The following STK3 variants were observed in gnomAD, a reference collection of about 807,000 sequenced individuals.
STK3 encodes serine/threonine-protein kinase 3.
STK3 carries 41 observed loss-of-function variants against 58.0 expected under a neutral mutation model. The observed-to-expected ratio is 0.71, with a 90% CI of 0.55 to 0.92. The LOEUF (loss-of-function observed/expected upper bound fraction) is 0.92, where lower values mean the gene tolerates loss of function less well. Ranked by LOEUF, STK3 falls within the 40% of genes least tolerant of loss-of-function variation. The pLI is 0.00. For missense variants in STK3, 479 were observed against 602.7 expected (o/e 0.79, Z 2.15); for synonymous variants, 170 against 191.0 (o/e 0.89, Z 0.91).
At chr8:98,692,088 A>T (rs905730768) in intron 6 of STK3, among the ~76,000 whole-genome samples, 43 of 152,188 alleles carry the variant, frequency 2.8e-4, no homozygotes, top group African/African-American at 9.4e-4. Flanking sequence ...CTTCACTCCC[A>T]TTACTATGGC....
At chr8:98,844,369 G>A (rs1267139025) in intron 3 of STK3, among the ~76,000 whole-genome samples, 2 of 152,138 alleles carry the variant, frequency 1.3e-5, no homozygotes, top group African/African-American at 4.8e-5. Flanking sequence ...GGAATATGAT[G>A]TCATTCTAGC....
intron 6 of STK3, among the ~76,000 whole-genome samples, chr8:98,665,137 T>C (rs564302150): frequency 1.3e-5 from 2 of 152,362 alleles, no homozygotes; most frequent in Non-Finnish European, 2.9e-5. Context: ...TCAAACACTA[T>C]CTTTACCTAC....
chr8:98,647,111 C>G (rs1173161354), intron 6 of STK3, among the ~76,000 whole-genome samples: 3 of 152,152 alleles, frequency 2.0e-5, no homozygotes, highest in Non-Finnish European at 4.4e-5. Context: ...GTCCCTAGAT[C>G]ACTCTGCTCC....
At chr8:98,807,044 C>T (rs1445945259) in intron 1 of STK3, among the ~76,000 whole-genome samples, 3 of 150,466 alleles carry the variant, frequency 2.0e-5, no homozygotes, top group Non-Finnish European at 4.4e-5. Context: ...GTCCCAGCCA[C>T]TTGGGAGGCT....
upstream of STK3, among the ~76,000 whole-genome samples, chr8:98,388,418 A>G (rs1020931376): frequency 1.2e-4 from 19 of 152,236 alleles, no homozygotes; most frequent in Non-Finnish European, 8.8e-5. Flanking sequence ...CCAATGATCA[A>G]TGTTAAGATG....
At chr8:98,630,634 CAGAAGAAGAAGG>C (rs1563825488) in intron 6 of STK3, among the ~76,000 whole-genome samples, 6 of 146,408 alleles carry the variant, frequency 4.1e-5, no homozygotes, top group African/African-American at 1.0e-4. Context: ...CAGAGAGGAA[CAGAAGAAGAAGG>C]AGAAGGAGAA....
intron 8 of STK3, among the ~76,000 whole-genome samples, chr8:98,578,431 CAAATA>C (rs920278355): frequency 3.3e-5 from 5 of 152,234 alleles, no homozygotes; most frequent in African/African-American, 1.2e-4. Context: ...TGACAACGGC[CAAATA>C]AATAACTCAT....
At chr8:98,453,001 T>A (rs1215892425), downstream of STK3, among the ~76,000 whole-genome samples, 2 of 111,486 alleles carry the variant, frequency 1.8e-5, 1 homozygote, top group Non-Finnish European at 3.7e-5. Flanking sequence ...CCTCAAGTGA[T>A]CTGCTGGCCT....
intron 1 of STK3, among the ~76,000 whole-genome samples, chr8:98,919,628 A>T (rs996700861): frequency 2.6e-5 from 4 of 152,350 alleles, no homozygotes; most frequent in African/African-American, 9.6e-5. Context: ...ATTTCAATGT[A>T]CGTAAATTTT....
chr8:98,575,949 GAATTCACTGACA>G (rs775720638), intron 8 of STK3, among the ~76,000 whole-genome samples: 3 of 152,086 alleles, frequency 2.0e-5, no homozygotes, highest in Non-Finnish European at 4.4e-5. Context: ...CATTCTCTAA[GAATTCACTGACA>G]AATCCAAAGT....
rs377645065 is a variant in STK3, at chr8:98,491,638, T to C, written c.1317+35104A>G. On this transcript the variant is annotated intron_variant, in intron 10 of 10. Transcript: ENST00000419617. ...ATAGTAGAGATGGGGTTTCACCATG[T>C]TGGCCAGGCTGGTCTTGAACGCCCA... Among the ~76,000 whole-genome samples the C allele has an allele frequency of 5.3e-5, 8 of 152,296 alleles. No homozygotes were observed. In the East Asian group the frequency reaches 1.2e-3, roughly 22 times the overall value.
At chr8:98,426,278 G>C (rs551733992) in intron 3 of STK3, among the ~76,000 whole-genome samples, 1 of 152,228 alleles carries the variant, frequency 6.6e-6, no homozygotes, top group South Asian at 2.1e-4. Flanking sequence ...GCTGACACAC[G>C]TCCCAGGTCC....
At chr8:98,810,727 C>T (rs543118748) in intron 1 of STK3, among the ~76,000 whole-genome samples, 1 of 152,190 alleles carries the variant, frequency 6.6e-6, no homozygotes, top group Non-Finnish European at 1.5e-5. Context: ...CATGTTTGTC[C>T]CCTCCAAATC....
At chr8:98,511,517 A>G (rs1002196938) in intron 10 of STK3, among the ~76,000 whole-genome samples, 5 of 152,162 alleles carry the variant, frequency 3.3e-5, no homozygotes, top group African/African-American at 9.6e-5. Context: ...AGCTAAATAT[A>G]TTAAGTACAT....
chr8:98,366,118 C>T, the STK3 span, among the ~76,000 whole-genome samples: 35 of 152,260 alleles, frequency 2.3e-4, no homozygotes, highest in African/African-American at 7.9e-4. Flanking sequence ...TGCTGAATTC[C>T]TGTTTCCCTA....
intron 3 of STK3, among the ~76,000 whole-genome samples, chr8:98,840,595 A>ATG (rs1296899186): frequency 3.7e-5 from 2 of 53,564 alleles, no homozygotes; most frequent in Non-Finnish European, 8.5e-5. Context: ...ATATATATAT[A>ATG]TATATATATA....
chr8:98,576,089 T>C lies in STK3; in HGVS notation c.948+3575A>G, dbSNP rs536423748. ...AAAGGCTGCTGTATTTGATAAAACA[T>C]AGGGGTCTAACTTCATTCTTTTACA... On this transcript the variant is annotated intron_variant, in intron 8 of 10. Transcript: ENST00000419617. 3.5e-4 allele frequency among the ~76,000 whole-genome samples: 53 copies of C among 152,286 alleles called. No homozygotes were observed. In the South Asian group the frequency reaches 7.7e-3, roughly 22 times the overall value.
chr8:98,905,342 C>G, intron 1 of STK3: 1 of 960,222 alleles, frequency 1.0e-6, no homozygotes, highest in Non-Finnish European at 1.7e-6. Context: ...CATAATCTTT[C>G]ACGATGTCAC....
At chr8:98,429,515 G>T (rs1489567086) in intron 3 of STK3, 2 of 804,512 alleles carry the variant, frequency 2.5e-6, no homozygotes, top group Non-Finnish European at 4.0e-6. Context: ...AGTATGCCCA[G>T]CCCCTGAGGG....
Sources: gnomAD v4.1 joint callset for allele counts (sites outside exome capture counted in the v4.1 genomes callset) on GRCh38, gnomAD v4.1.1 for gene constraint, MANE v1.5 for transcripts, NCBI Gene and HGNC (gene_info 2026-07-23, HGNC 2026-07-21) for gene names.